Variants in CUX2 observed in about 807,000 individuals in gnomAD.
CUX2 encodes the protein cut like homeobox 2, also known as homeobox protein cut-like 2.
CUX2 carries 40 observed loss-of-function variants against 144.8 expected under a neutral mutation model. The ratio of observed to expected loss-of-function variants is 0.28; its 90% CI spans 0.21 to 0.36. CUX2 has a LOEUF of 0.36. CUX2 is among the 10% of genes least tolerant of loss of function. The pLI is 1.00. For missense variants in CUX2, 1,615 were observed against 1,994.0 expected, an observed-to-expected ratio of 0.81 and a Z score of 3.62; for synonymous variants, 827 against 875.6, an observed-to-expected ratio of 0.94 and a Z score of 0.98.
intron 21 of CUX2, among the ~76,000 whole-genome samples, chr12:111,346,475 CAA>C (rs1012828428): frequency 2.9e-4 from 25 of 87,418 alleles, no homozygotes; most frequent in Admixed American, 3.8e-4. Flanking sequence ...GACTCCATCT[CAA>C]AAAAAAAAAA....
At chr12:111,131,291 A>G (rs80297695) in intron 1 of CUX2, among the ~76,000 whole-genome samples, 1 of 152,168 alleles carries the variant, frequency 6.6e-6, no homozygotes, top group Non-Finnish European at 1.5e-5. Context: ...CGAGAATAGC[A>G]TGGGAAAGAC....
intron 1 of CUX2, among the ~76,000 whole-genome samples, chr12:111,101,306 G>A (rs1271140471): frequency 1.3e-5 from 2 of 152,070 alleles, no homozygotes; most frequent in Admixed American, 6.5e-5. Flanking sequence ...CCTGGAGACT[G>A]TCAGGGTCCC....
At chr12:111,081,453 C>T (rs1871881555) in intron 1 of CUX2, among the ~76,000 whole-genome samples, 1 of 152,060 alleles carries the variant, frequency 6.6e-6, no homozygotes, top group African/African-American at 2.4e-5. Context: ...GAAAGCAGAG[C>T]CTCCTCTGAC....
At chr12:111,206,153 T>C (rs377441673) in intron 1 of CUX2, among the ~76,000 whole-genome samples, 1 of 152,132 alleles carries the variant, frequency 6.6e-6, no homozygotes, top group East Asian at 1.9e-4. Context: ...CTGAGCAACA[T>C]AGCAAGGCCC....
intron 4 of CUX2, among the ~76,000 whole-genome samples, chr12:111,281,297 G>T (rs1885103931): frequency 6.6e-6 from 1 of 151,900 alleles, no homozygotes; most frequent in Non-Finnish European, 1.5e-5. Flanking sequence ...ATTCCTTCCA[G>T]CCACCAGCCT....
chr12:111,225,052 C>G (rs936657711), intron 3 of CUX2, among the ~76,000 whole-genome samples: 4 of 152,084 alleles, frequency 2.6e-5, no homozygotes, highest in Admixed American at 1.3e-4. Context: ...ACTATAGGCG[C>G]ACAACACCAC....
intron 1 of CUX2, among the ~76,000 whole-genome samples, chr12:111,091,528 C>A (rs774722582): frequency 6.6e-6 from 1 of 152,214 alleles, no homozygotes; most frequent in Non-Finnish European, 1.5e-5. Context: ...CAGTTTTTCA[C>A]CCCACCCAGC....
chr12:111,189,307 C>A (rs185687042), intron 1 of CUX2, among the ~76,000 whole-genome samples: 1 of 152,110 alleles, frequency 6.6e-6, no homozygotes, highest in Non-Finnish European at 1.5e-5. Context: ...CCCTGCTACC[C>A]AGAAACATCC....
At chr12:111,276,478 G>A (rs929500351) in intron 4 of CUX2, among the ~76,000 whole-genome samples, 1 of 152,158 alleles carries the variant, frequency 6.6e-6, no homozygotes, top group African/African-American at 2.4e-5. Context: ...CATTTGGGTC[G>A]CATTGGCTTG....
At chr12:111,238,032 T>C (rs915552263) in intron 3 of CUX2, among the ~76,000 whole-genome samples, 1 of 152,184 alleles carries the variant, frequency 6.6e-6, no homozygotes, top group African/African-American at 2.4e-5. Flanking sequence ...TTGCTAGATG[T>C]CCCCTCGGGG....
chr12:111,034,972 C>G lies in CUX2; in HGVS notation c.63+732C>G, dbSNP rs1246038847. ...TTCGTCTTGCTTCTTGCCTTTACCC[C>G]CCCGCCCCTTCCATCCCCTTCCCAA... On this transcript the variant is annotated intron_variant, in intron 1 of 21. Transcript: ENST00000261726. The surrounding 1 kb of genome is among the most constrained non-coding windows in gnomAD (Gnocchi z 4.2). Among the ~76,000 whole-genome samples, 2 of 152,128 alleles carry G rather than the reference C, an allele frequency of 1.3e-5. No individual in the cohort carries two copies. The highest frequency in any genetic ancestry group is 1.3e-4 in the Admixed American group (2 of 15,282).
Position 111,138,658 on chromosome 12 carries a change from G to T in CUX2, c.64-75542G>T, listed in dbSNP as rs115808124. Among the ~76,000 whole-genome samples, 885 of 152,122 alleles carry T rather than the reference G, an allele frequency of 5.8e-3. 9 individuals carry two copies. The highest frequency in any genetic ancestry group is 0.02 in the African/African-American group (837 of 41,466). On this transcript the variant is annotated intron_variant, in intron 1 of 21. Coordinates refer to ENST00000261726, the MANE Select transcript of CUX2 (RefSeq NM_015267.4). The stretch of plus-strand genomic sequence containing the variant: ...AAGGAGAGCCATAGAATCTCCAGGG[G>T]ACATTGTTGGTGGCCCACCCAGACC...
intron 1 of CUX2, among the ~76,000 whole-genome samples, chr12:111,183,317 G>C (rs1879310734): frequency 6.6e-6 from 1 of 152,236 alleles, no homozygotes; most frequent in African/African-American, 2.4e-5. Flanking sequence ...GGGCCTCCAA[G>C]CCTGCTGGGG....
At chr12:111,262,821 G>A (rs1884191246) in intron 3 of CUX2, among the ~76,000 whole-genome samples, 1 of 152,090 alleles carries the variant, frequency 6.6e-6, no homozygotes, top group African/African-American at 2.4e-5. Context: ...ATTTTTAGTG[G>A]CAAGAAATAT....
At chr12:111,089,461 G>A (rs1872432356) in intron 1 of CUX2, among the ~76,000 whole-genome samples, 1 of 152,200 alleles carries the variant, frequency 6.6e-6, no homozygotes, top group South Asian at 2.1e-4. Context: ...TGAGGCCCAG[G>A]GCTCTGAGCT....
chr12:111,205,886 C>T (rs756553904), intron 1 of CUX2, among the ~76,000 whole-genome samples: 14 of 152,180 alleles, frequency 9.2e-5, no homozygotes, highest in Non-Finnish European at 2.1e-4. Flanking sequence ...TTCATTCGAC[C>T]AACAAACATT....
At chr12:111,207,945 G>A (rs1881010585) in intron 1 of CUX2, among the ~76,000 whole-genome samples, 1 of 152,092 alleles carries the variant, frequency 6.6e-6, no homozygotes, top group Non-Finnish European at 1.5e-5. Context: ...CATCTGAGCT[G>A]AGGGAAAGGA....
chr12:111,133,053 C>T (rs1302107845), intron 1 of CUX2, among the ~76,000 whole-genome samples: 1 of 152,172 alleles, frequency 6.6e-6, no homozygotes, highest in African/African-American at 2.4e-5. Context: ...ACCTTTGCTC[C>T]AGGTCCCCAC....
chr12:111,047,215 A>G (rs922690163), intron 1 of CUX2, among the ~76,000 whole-genome samples: 2 of 152,164 alleles, frequency 1.3e-5, no homozygotes, highest in African/African-American at 2.4e-5. Flanking sequence ...TGGGGCTGAT[A>G]ATAAGCAGGT....
Sources: gnomAD v4.1 joint callset for allele counts (sites outside exome capture counted in the v4.1 genomes callset) on GRCh38, gnomAD v4.1.1 for gene constraint, Gnocchi (gnomAD v3.1) non-coding constraint, MANE v1.5 for transcripts, NCBI Gene and HGNC (gene_info 2026-07-23, HGNC 2026-07-21) for gene names.